LRP2BP: variants seen among roughly 807,000 people sequenced by gnomAD.
LRP2BP encodes the protein LRP2 binding protein.
Under a neutral mutation model 45.2 loss-of-function variants are expected in LRP2BP, and 38 were observed. That is an observed-to-expected ratio of 0.84 (90% CI 0.65 to 1.10). LRP2BP has a LOEUF of 1.10. Among genes scored for constraint, LRP2BP ranks in the 50% least tolerant of loss-of-function variants. LRP2BP has a pLI of 0.00. For synonymous variants in LRP2BP, 153 were observed against 153.9 expected (o/e 0.99, Z 0.04); for missense variants, 385 against 418.9 (o/e 0.92, Z 0.71).
intron 1 of LRP2BP, among the ~76,000 whole-genome samples, chr4:185,389,481 A>G (rs2126843850): frequency 6.6e-6 from 1 of 152,298 alleles, no homozygotes; most frequent in Admixed American, 6.5e-5. Flanking sequence ...AAGTGCTGGG[A>G]TTACAGGCGT....
At chr4:185,392,447 G>C (rs1031096775) in intron 1 of LRP2BP, among the ~76,000 whole-genome samples, 21 of 152,146 alleles carry the variant, frequency 1.4e-4, no homozygotes, top group African/African-American at 5.1e-4. Flanking sequence ...GAGTTATCAA[G>C]GCTGGAAGAA....
Position 185,366,944 on chromosome 4 carries a change from G to T in LRP2BP, c.*236C>A, listed in dbSNP as rs1316858183. The T allele has an allele frequency of 7.0e-6, 3 of 427,314 alleles. No individual in the cohort carries two copies. In the Admixed American group the frequency reaches 1.2e-4, roughly 17 times the overall value. The allele number at this position is 427,314 out of a possible 1,614,324, so 26.5% of individuals were successfully genotyped here. A position where few individuals can be genotyped will look rare whatever the true frequency, so the allele number is the denominator to read the frequency against. On this transcript the variant is annotated 3_prime_UTR_variant, in exon 9 of 9. Transcript: ENST00000505916. Reference sequence around the variant, plus strand: ...TTAATACTTGATATGGTCTCGGCCAGTCTGTAGGGTAAGAGGTGGACCTCT... The same window carrying T: ...TTAATACTTGATATGGTCTCGGCCATTCTGTAGGGTAAGAGGTGGACCTCT...
rs193064722 is a variant in LRP2BP at position 185,395,515 on chromosome 4, A to C, written c.-758T>G. ...ACAAATCTGACAACAGTATCTCTAC[A>C]CTGCCGTTCTTTAAACATCATTAAA... On this transcript the variant is annotated 5_prime_UTR_variant, in exon 1 of 9. Coordinates refer to ENST00000505916, the MANE Select transcript of LRP2BP (RefSeq NM_001377440.1). 2.1e-5 allele frequency: 21 copies of C among 985,254 alleles called. No individual in the cohort carries two copies. The highest frequency in any genetic ancestry group is 1.2e-4 in the Admixed American group (2 of 16,290). 61.0% of individuals were successfully genotyped at this position (985,254 alleles called of 1,614,324 possible).
intron 1 of LRP2BP, among the ~76,000 whole-genome samples, chr4:185,393,119 G>C (rs539625396): frequency 1.3e-5 from 2 of 151,758 alleles, no homozygotes; most frequent in South Asian, 2.1e-4. Flanking sequence ...TTTTAGTAGA[G>C]ACGGTTCCGC....
chr4:185,394,937 C>A lies in LRP2BP; in HGVS notation c.-180G>T. The A allele has an allele frequency of 1.0e-6, 1 of 985,456 alleles. No individual in the cohort carries two copies. The highest frequency in any genetic ancestry group is 1.2e-6 in the Non-Finnish European group (1 of 829,946). The allele number at this position is 985,456 out of a possible 1,614,324, so 61.0% of individuals were successfully genotyped here. Reference sequence around the variant, plus strand: ...CTTCCGTTTTAGAAAATTGATCCCACCTGCTACACGCCTGGTGAAACTCCA... The same window carrying A: ...CTTCCGTTTTAGAAAATTGATCCCAACTGCTACACGCCTGGTGAAACTCCA... On this transcript the variant is annotated 5_prime_UTR_variant, in exon 1 of 9. Coordinates refer to ENST00000505916, the MANE Select transcript of LRP2BP (RefSeq NM_001377440.1).
chr4:185,376,958 T>C lies in LRP2BP; in HGVS notation c.167A>G (p.Lys56Arg), dbSNP rs2095440155. 3 of 1,613,924 alleles carry C rather than the reference T, an allele frequency of 1.9e-6. No individual in the cohort carries two copies. The Admixed American group carries it at 5.0e-5, about 27-fold the overall frequency. ...TAGGAAATATGCCAGAGTGTCTCCTTTCAGTATTCTTTCCTTCAAGAGCTG... is the reference window on the plus strand; with the variant it reads ...TAGGAAATATGCCAGAGTGTCTCCTCTCAGTATTCTTTCCTTCAAGAGCTG... ...ALQLLKERIL[K>R]GDTLAYFLRG... Residue 56 changes from lysine (K) to arginine (R), a missense_variant, in exon 3 of 9, where the codon AAA (lysine) becomes AGA (arginine). Lys to Arg is a conservative substitution (Grantham distance 26, BLOSUM62 2). Coordinates refer to ENST00000505916, the MANE Select transcript of LRP2BP (RefSeq NM_001377440.1).
intron 1 of LRP2BP, among the ~76,000 whole-genome samples, chr4:185,386,525 G>A (rs1409255018): frequency 2.0e-5 from 3 of 152,138 alleles, no homozygotes; most frequent in Non-Finnish European, 4.4e-5. Context: ...AGAAAAGGCT[G>A]GGCTCCAGCC....
upstream of LRP2BP, chr4:185,395,937 T>G: frequency 1.0e-6 from 1 of 982,176 alleles, no homozygotes; most frequent in Non-Finnish European, 1.2e-6. Context: ...GGAGCAGCTC[T>G]GACGTCAGTA....
chr4:185,384,170 C>T (rs2095463695), intron 1 of LRP2BP, among the ~76,000 whole-genome samples: 1 of 151,984 alleles, frequency 6.6e-6, no homozygotes, highest in African/African-American at 2.4e-5. Context: ...GGATTTGTGC[C>T]CTTAGGAAAG....
In LRP2BP at chr4:185,387,096, A is replaced by G. The variant is rs148331613; in HGVS notation, c.-22+7683T>C. Among the ~76,000 whole-genome samples the G allele has an allele frequency of 9.2e-5, 14 of 152,244 alleles. No individual in the cohort carries two copies. In the East Asian group the frequency reaches 2.5e-3, roughly 27 times the overall value. The stretch of plus-strand genomic sequence containing the variant: ...CCCCGTGTCTACTAAAAATACAAAA[A>G]TTAGCTGGGCTAGTGGTGGGTGCCT... On this transcript the variant is annotated intron_variant, in intron 1 of 8. Transcript: ENST00000505916.
At position 185,367,235 on chromosome 4, in the gene LRP2BP, A is replaced by G; in HGVS notation, c.989T>C (p.Leu330Pro). 1 of 1,611,958 alleles carries G rather than the reference A, an allele frequency of 6.2e-7. No homozygotes were observed. The highest frequency in any genetic ancestry group is 1.7e-5 in the Admixed American group (1 of 59,940). ...AKHYYSKACR[L>P]NPALADELHS... is the part of the protein sequence containing the mutation. Reference sequence around the variant, plus strand: ...AAGTTCATCTGCCAATGCGGGATTCAGACGACAAGCCTTAAAATCAAAAAG... The same window carrying G: ...AAGTTCATCTGCCAATGCGGGATTCGGACGACAAGCCTTAAAATCAAAAAG... Residue 330 changes from leucine (L) to proline (P), a missense_variant, in exon 9 of 9, where the codon CTG becomes CCG. Physicochemically the swap from Leu to Pro is moderately conservative, Grantham distance 98 (BLOSUM62 -3). Transcript: ENST00000505916.
At chr4:185,376,826 T>A (rs1228454312) in intron 3 of LRP2BP, 83 bp downstream of exon 3, 2 of 921,404 alleles carry the variant, frequency 2.2e-6, no homozygotes, top group Admixed American at 2.0e-5. Context: ...TATAACACAG[T>A]AAGAAACTCT....
chr4:185,387,126 T>C (rs1005437069), intron 1 of LRP2BP, among the ~76,000 whole-genome samples: 1 of 151,932 alleles, frequency 6.6e-6, no homozygotes, highest in Non-Finnish European at 1.5e-5. Context: ...GTGCCTGTCA[T>C]CCCAGCTACT....
rs1468649410 is a variant in LRP2BP at position 185,395,849 on chromosome 4, G to A, written c.-1092C>T. The stretch of plus-strand genomic sequence containing the variant: ...TCAACAGAAGGGAATCACTAAAAAT[G>A]TAGGGGAAAAGAAACACTCGGCTGG... On this transcript the variant is annotated 5_prime_UTR_variant, in exon 1 of 9. Transcript: ENST00000505916. The A allele has an allele frequency of 1.0e-6, 1 of 985,370 alleles. No homozygotes were observed. Among genetic ancestry groups the A allele is most frequent in the Non-Finnish European group, 1.2e-6 (1 of 829,950 alleles). 61.0% of individuals were successfully genotyped at this position (985,370 alleles called of 1,614,324 possible).
upstream of LRP2BP, chr4:185,397,150 GTGGA>G: frequency 6.2e-7 from 1 of 1,613,374 alleles, no homozygotes; most frequent in East Asian, 2.2e-5. Context: ...CTTCCTGCAG[GTGGA>G]TGGTCTGAAG....
intron 4 of LRP2BP, 108 bp downstream of exon 4, chr4:185,375,505 T>TATAC (rs2095433289): frequency 7.3e-5 from 5 of 68,826 alleles, no homozygotes; most frequent in Non-Finnish European, 1.2e-4. Flanking sequence ...TATATATATA[T>TATAC]ATATATATAT....
At chr4:185,392,864 G>A (rs533580501) in intron 1 of LRP2BP, among the ~76,000 whole-genome samples, 13 of 152,316 alleles carry the variant, frequency 8.5e-5, no homozygotes, top group African/African-American at 2.6e-4. Flanking sequence ...TGACTTCAAT[G>A]CTTTGGCGTT....
At chr4:185,369,738 G>A (rs1208287934) in intron 8 of LRP2BP, 1 of 440,544 alleles carries the variant, frequency 2.3e-6, no homozygotes, top group African/African-American at 2.0e-5. Context: ...ACCTGACATT[G>A]GAATCCCACA....
At chr4:185,375,908 C>T (rs1365058994) in intron 3 of LRP2BP, among the ~76,000 whole-genome samples, 182 bp from the exon 4 acceptor site, 1 of 152,108 alleles carries the variant, frequency 6.6e-6, no homozygotes, top group Non-Finnish European at 1.5e-5. Context: ...CTGCCATCCT[C>T]AGAGTAACAG....
Sources: allele counts gnomAD v4.1 joint callset (sites outside exome capture counted in the v4.1 genomes callset), GRCh38; gene constraint gnomAD v4.1.1; transcripts MANE v1.5; gene names NCBI Gene and HGNC (gene_info 2026-07-23, HGNC 2026-07-21).